Variants in UST observed in about 807,000 individuals in gnomAD.
UST encodes chondroitin sulfate 2-O-sulfotransferase.
In UST, 21 loss-of-function variants were observed where a neutral mutation model predicts 45.6. The observed-to-expected ratio is 0.46, with a 90% CI of 0.33 to 0.66. The LOEUF (loss-of-function observed/expected upper bound fraction) is 0.66, where lower values mean the gene tolerates loss of function less well. UST is among the 30% of genes least tolerant of loss of function. The probability of loss-of-function intolerance (pLI) is 0.02; values close to 1 mark genes in which losing one functional copy is unlikely to be tolerated. For missense variants in UST, 463 were observed against 512.4 expected (o/e 0.90, Z 0.93); for synonymous variants, 215 against 200.6 (o/e 1.07, Z -0.61).
intron 1 of UST, among the ~76,000 whole-genome samples, chr6:148,747,948 C>A (rs1314546035): frequency 6.6e-6 from 1 of 152,202 alleles, no homozygotes; most frequent in Non-Finnish European, 1.5e-5. Context: ...CCCCCCGCCC[C>A]ACCTCCGCCA....
At position 148,747,187 on chromosome 6, in the gene UST, G is replaced by A; in HGVS notation, c.-244G>A. 4.3e-6 allele frequency: 1 copy of A among 230,238 alleles called. No individual in the cohort carries two copies. 14.3% of individuals were successfully genotyped at this position (230,238 alleles called of 1,614,324 possible). On this transcript the variant is annotated 5_prime_UTR_variant, in exon 1 of 8. Transcript: ENST00000367463. ...CGCTAGCGGGCGCCGGACGGGCGCG[G>A]CGCCCCGTCACGGGCAGCGCCCCGA... is the stretch of plus-strand genomic sequence containing the variant.
chr6:149,058,397 G>A (rs1056437426), intron 7 of UST, among the ~76,000 whole-genome samples: 7 of 151,696 alleles, frequency 4.6e-5, no homozygotes, highest in Non-Finnish European at 8.8e-5. Context: ...GTATGTGCGC[G>A]CGCGTGTGTC....
chr6:148,787,599 G>A (rs1354920611), intron 1 of UST, among the ~76,000 whole-genome samples: 3 of 152,176 alleles, frequency 2.0e-5, no homozygotes, highest in African/African-American at 7.2e-5. Context: ...TAGCCCTGTA[G>A]TATAGTTTGA....
intron 7 of UST, among the ~76,000 whole-genome samples, chr6:149,054,084 C>T (rs184833224): frequency 2.0e-5 from 3 of 152,266 alleles, no homozygotes; most frequent in Admixed American, 2.0e-4. Context: ...CAGCAGCTCC[C>T]TCCCTGGGAC....
At chr6:149,071,939 A>G (rs1490395597) in intron 7 of UST, among the ~76,000 whole-genome samples, 1 of 152,242 alleles carries the variant, frequency 6.6e-6, no homozygotes, top group African/African-American at 2.4e-5. Context: ...GGAAACCATT[A>G]GCATCAGCAT....
In UST at chr6:148,904,654, G is replaced by A. The variant is rs144955797; in HGVS notation, c.291+17625G>A. The stretch of plus-strand genomic sequence containing the variant: ...TTCTCCTGCCTCAGCCTCCTGGGTA[G>A]TTGGGATTACAGGCACCCACCACCA... On this transcript the variant is annotated intron_variant, in intron 2 of 7. Coordinates refer to ENST00000367463, the MANE Select transcript of UST (RefSeq NM_005715.3). Among the ~76,000 whole-genome samples the A allele has an allele frequency of 5.9e-3, 894 of 152,162 alleles. 8 individuals carry two copies. The highest frequency in any genetic ancestry group is 0.02 in the African/African-American group (837 of 41,490).
intron 7 of UST, among the ~76,000 whole-genome samples, chr6:149,070,527 C>G (rs1209392357): frequency 6.6e-6 from 1 of 152,208 alleles, no homozygotes; most frequent in Non-Finnish European, 1.5e-5. Context: ...AGGACCCAAC[C>G]TGGCAAAGGA....
At position 149,075,370 on chromosome 6, in the gene UST, C is replaced by T. The variant is rs577589735; in HGVS notation, c.*1254C>T. The T allele has an allele frequency of 6.6e-6, 1 of 152,296 alleles. No homozygotes were observed. The highest frequency in any genetic ancestry group is 1.9e-4 in the East Asian group (1 of 5,168). The allele number at this position is 152,296 out of a possible 1,614,324, so 9.4% of individuals were successfully genotyped here. A position where few individuals can be genotyped will look rare whatever the true frequency, so the allele number is the denominator to read the frequency against. On this transcript the variant is annotated 3_prime_UTR_variant, in exon 8 of 8. Transcript: ENST00000367463. ...GAGCTACCCGAGAACTACCTGAGTTCTGTGCAGGTAGAGTCCCATTTCTTA... is the reference window on the plus strand; with the variant it reads ...GAGCTACCCGAGAACTACCTGAGTTTTGTGCAGGTAGAGTCCCATTTCTTA...
Position 148,756,103 on chromosome 6 carries a change from G to A in UST, c.247+8426G>A, listed in dbSNP as rs982576354. ...TTCCCACCTATGAGTGAGAACATGC[G>A]GTGTTTGGTTTTTTGTCCTTGTGAT... is the stretch of plus-strand genomic sequence containing the variant. On this transcript the variant is annotated intron_variant, in intron 1 of 7. Coordinates refer to ENST00000367463, the MANE Select transcript of UST (RefSeq NM_005715.3). Among the ~76,000 whole-genome samples, 30 of 149,800 alleles carry A rather than the reference G, an allele frequency of 2.0e-4. No homozygotes were observed. In the Admixed American group the frequency reaches 2.0e-3, roughly 10 times the overall value.
intron 1 of UST, among the ~76,000 whole-genome samples, chr6:148,844,966 G>A (rs577841331): frequency 7.3e-5 from 11 of 151,602 alleles, no homozygotes; most frequent in Non-Finnish European, 1.6e-4. Flanking sequence ...CATTGTTGTT[G>A]TTTTTTTTAA....
intron 7 of UST, among the ~76,000 whole-genome samples, chr6:149,060,827 T>C (rs1776643278): frequency 1.3e-5 from 2 of 152,216 alleles, no homozygotes; most frequent in African/African-American, 4.8e-5. Context: ...GGCCTCTCAG[T>C]TGATCACCAC....
chr6:148,843,842 T>G lies in UST; in HGVS notation c.248-43144T>G, dbSNP rs186194728. 2.0e-5 allele frequency among the ~76,000 whole-genome samples: 3 copies of G among 152,328 alleles called. 1 individual carries two copies. The East Asian group carries it at 5.8e-4, about 29-fold the overall frequency. ...GTATTTATGGTTTTTGTGTTTTGTT[T>G]TTTTTCTCCCATTTACAGCACTTAG... is the stretch of plus-strand genomic sequence containing the variant. On this transcript the variant is annotated intron_variant, in intron 1 of 7. Transcript: ENST00000367463.
intron 1 of UST, among the ~76,000 whole-genome samples, chr6:148,763,640 T>C (rs982061657): frequency 1.3e-5 from 2 of 152,220 alleles, no homozygotes; most frequent in African/African-American, 4.8e-5. Flanking sequence ...GGTTTTACCT[T>C]TAAGTCTTTA....
At chr6:148,864,361 T>A (rs890100847) in intron 1 of UST, among the ~76,000 whole-genome samples, 56 of 152,280 alleles carry the variant, frequency 3.7e-4, no homozygotes, top group African/African-American at 1.3e-3. Context: ...AAAATCGCAG[T>A]ATTAGGGTGG....
At chr6:148,760,662 C>T (rs1776198421) in intron 1 of UST, among the ~76,000 whole-genome samples, 1 of 150,590 alleles carries the variant, frequency 6.6e-6, no homozygotes, top group Admixed American at 6.6e-5. Flanking sequence ...AAAAAAAAAA[C>T]TATATTAAAG....
chr6:148,858,079 A>G (rs1484010850), intron 1 of UST, among the ~76,000 whole-genome samples: 1 of 152,208 alleles, frequency 6.6e-6, no homozygotes, highest in African/African-American at 2.4e-5. Flanking sequence ...TTTATTAGTC[A>G]GTGTTCTGTA....
intron 1 of UST, among the ~76,000 whole-genome samples, chr6:148,860,573 C>T (rs1487727462): frequency 6.6e-6 from 1 of 152,138 alleles, no homozygotes; most frequent in Non-Finnish European, 1.5e-5. Flanking sequence ...TGTCTTGTGC[C>T]AGTTTTCAAA....
intron 2 of UST, among the ~76,000 whole-genome samples, chr6:148,916,473 G>A (rs1386054772): frequency 6.6e-6 from 1 of 152,140 alleles, no homozygotes; most frequent in Non-Finnish European, 1.5e-5. Flanking sequence ...AGATTGTCTG[G>A]GGTTCACAGT....
At chr6:148,825,472 G>T (rs930393842) in intron 1 of UST, among the ~76,000 whole-genome samples, 3 of 152,168 alleles carry the variant, frequency 2.0e-5, no homozygotes, top group Admixed American at 6.5e-5. Context: ...AGCCATGTAG[G>T]CACTTAAAGA....
Sources: gnomAD v4.1 joint callset for allele counts (sites outside exome capture counted in the v4.1 genomes callset) on GRCh38, gnomAD v4.1.1 for gene constraint, MANE v1.5 for transcripts, NCBI Gene and HGNC (gene_info 2026-07-23, HGNC 2026-07-21) for gene names.